The following ESRRB variants were observed in gnomAD, a reference collection of about 807,000 sequenced individuals.
ESRRB encodes estrogen related receptor beta.
A neutral mutation model predicts 46.0 loss-of-function variants in ESRRB; 16 were observed. The ratio of observed to expected loss-of-function variants is 0.35; its 90% confidence interval spans 0.24 to 0.53. ESRRB has a LOEUF of 0.53. ESRRB is among the 20% of genes least tolerant of loss of function. The pLI, the probability that ESRRB is intolerant of heterozygous loss-of-function variation, is 0.93. For synonymous variants in ESRRB, 246 were observed against 259.6 expected (o/e 0.95, Z 0.50); for missense variants, 488 against 607.4 (o/e 0.80, Z 2.07).
intron 2 of ESRRB, among the ~76,000 whole-genome samples, chr14:76,461,130 A>G (rs1595140889): frequency 6.6e-6 from 1 of 152,172 alleles, no homozygotes; most frequent in East Asian, 1.9e-4. Context: ...AGATGCCTGT[A>G]TTAGAAAGGC....
At chr14:76,373,121 C>T (rs78287497), upstream of ESRRB, among the ~76,000 whole-genome samples, 1 of 152,230 alleles carries the variant, frequency 6.6e-6, no homozygotes, top group Non-Finnish European at 1.5e-5. Flanking sequence ...ACATCCTCCA[C>T]ATTTACTGCA....
chr14:76,405,510 T>C (rs968908204), intron 1 of ESRRB, among the ~76,000 whole-genome samples: 9 of 152,056 alleles, frequency 5.9e-5, no homozygotes, highest in African/African-American at 2.2e-4. Context: ...TGTGGGTGGT[T>C]TATCTTGGGC....
In ESRRB at chr14:76,393,513, A is replaced by G. The variant is rs879345201; in HGVS notation, c.50+17062A>G. 2.6e-5 allele frequency among the ~76,000 whole-genome samples: 4 copies of G among 152,318 alleles called. No homozygotes were observed. In the East Asian group the frequency reaches 7.7e-4, roughly 29 times the overall value. On this transcript the variant is annotated intron_variant, in intron 1 of 6. Transcript: ENST00000644823. ...AAATTTTACATTTTATGACTTCAAGACTTTGCATGAAATACCTTTACTGCA... is the reference window on the plus strand; with the variant it reads ...AAATTTTACATTTTATGACTTCAAGGCTTTGCATGAAATACCTTTACTGCA...
intron 1 of ESRRB, among the ~76,000 whole-genome samples, chr14:76,312,604 AG>A (rs967515614): frequency 1.7e-4 from 26 of 151,582 alleles, no homozygotes; most frequent in Non-Finnish European, 2.6e-4. Flanking sequence ...AGAACTCCAG[AG>A]GGGGACAAAC....
At chr14:76,330,647 G>A (rs931329976) in intron 1 of ESRRB, among the ~76,000 whole-genome samples, 6 of 152,282 alleles carry the variant, frequency 3.9e-5, no homozygotes, top group Admixed American at 2.0e-4. Flanking sequence ...TGGCTGGGTC[G>A]CCAGGGGGCT....
intron 1 of ESRRB, among the ~76,000 whole-genome samples, chr14:76,387,261 A>G (rs1254712675): frequency 6.6e-6 from 1 of 152,226 alleles, no homozygotes; most frequent in Non-Finnish European, 1.5e-5. Context: ...AGAACAGCAC[A>G]GTCGCACAGC....
intron 3 of ESRRB, among the ~76,000 whole-genome samples, chr14:76,464,403 G>A (rs1327551715): frequency 6.6e-6 from 1 of 152,164 alleles, no homozygotes; most frequent in African/African-American, 2.4e-5. Context: ...TATAGAAATT[G>A]GACCTTCCAC....
intron 1 of ESRRB, among the ~76,000 whole-genome samples, chr14:76,322,075 T>A (rs1883874356): frequency 6.6e-6 from 1 of 152,206 alleles, no homozygotes; most frequent in South Asian, 2.1e-4. Context: ...ACATGTATAT[T>A]GAACTCAGTT....
At chr14:76,370,235 A>AG (rs906189423), upstream of ESRRB, among the ~76,000 whole-genome samples, 1 of 151,648 alleles carries the variant, frequency 6.6e-6, no homozygotes, top group Non-Finnish European at 1.5e-5. Flanking sequence ...TAAAAAAAAA[A>AG]AAAAACACAA....
At chr14:76,420,558 A>AGTGTGTGTGTGTGTGTGT (rs61137774) in intron 1 of ESRRB, among the ~76,000 whole-genome samples, 5 of 142,364 alleles carry the variant, frequency 3.5e-5, no homozygotes, top group African/African-American at 1.1e-4. Context: ...ACAGGGTGTG[A>AGTGTGTGTGTGTGTGTGT]GTGTGTGTGT....
intron 6 of ESRRB, among the ~76,000 whole-genome samples, chr14:76,494,020 C>T (rs1890327398): frequency 1.3e-5 from 2 of 152,196 alleles, no homozygotes; most frequent in Non-Finnish European, 2.9e-5. Context: ...CCCTGTGCTT[C>T]CTGCCTCCCC....
rs771001016 is a variant in ESRRB at position 76,491,562 on chromosome 14, C to T, written c.966C>T (p.Tyr322=). 2.7e-5 allele frequency: 43 copies of T among 1,592,600 alleles called. No individual in the cohort carries two copies. Among genetic ancestry groups the T allele is most frequent in the South Asian group, 2.3e-4 (20 of 87,722 alleles). ...RSLPYDDKLV[Y]AEDYIMDEEH... ...TGCCCTATGACGACAAGCTGGTGTA[C>T]GCTGAGGACTACATCATGGATGAGG... Residue 322 remains tyrosine (Y), a synonymous_variant, in exon 6 of 7, where the codon TAC becomes TAT. Coordinates refer to ENST00000644823, the MANE Select transcript of ESRRB (RefSeq NM_001379180.1).
At chr14:76,446,627 A>G (rs1285054823) in intron 2 of ESRRB, among the ~76,000 whole-genome samples, 1 of 152,182 alleles carries the variant, frequency 6.6e-6, no homozygotes, top group Admixed American at 6.5e-5. Flanking sequence ...TCCTAGGAAA[A>G]GGGAGTCTTA....
chr14:76,355,047 G>C (rs1176808479), intron 1 of ESRRB, among the ~76,000 whole-genome samples: 1 of 152,096 alleles, frequency 6.6e-6, no homozygotes, highest in Non-Finnish European at 1.5e-5. Flanking sequence ...AAGGAGGAGA[G>C]AATTTGAAAT....
intron 3 of ESRRB, among the ~76,000 whole-genome samples, chr14:76,469,024 C>A (rs543810546): frequency 6.6e-6 from 1 of 152,228 alleles, no homozygotes; most frequent in South Asian, 2.1e-4. Context: ...CCAATCCTGA[C>A]AAACGCTGGT....
At chr14:76,455,645 G>A (rs1888574051) in intron 2 of ESRRB, among the ~76,000 whole-genome samples, 1 of 152,144 alleles carries the variant, frequency 6.6e-6, no homozygotes, top group Admixed American at 6.5e-5. Context: ...AGGTATAGGA[G>A]AGGTAAAATC....
At chr14:76,448,236 C>T (rs1888233458) in intron 2 of ESRRB, among the ~76,000 whole-genome samples, 1 of 152,076 alleles carries the variant, frequency 6.6e-6, no homozygotes, top group Non-Finnish European at 1.5e-5. Flanking sequence ...CATCACGCCA[C>T]CCTTCTCCCA....
intron 3 of ESRRB, among the ~76,000 whole-genome samples, chr14:76,473,046 G>A (rs1254377777): frequency 6.6e-6 from 1 of 152,184 alleles, no homozygotes; most frequent in Non-Finnish European, 1.5e-5. Flanking sequence ...GGCATTCTGA[G>A]GTTATATGGG....
At chr14:76,407,445 C>A in intron 1 of ESRRB, 1 of 710,358 alleles carries the variant, frequency 1.4e-6, no homozygotes, top group Non-Finnish European at 1.7e-6. Flanking sequence ...TCGAGCAGAG[C>A]CACCAGGCTA....
Sources: gnomAD v4.1 joint callset for allele counts (sites outside exome capture counted in the v4.1 genomes callset) on GRCh38, gnomAD v4.1.1 for gene constraint, MANE v1.5 for transcripts, NCBI Gene and HGNC (gene_info 2026-07-23, HGNC 2026-07-21) for gene names.